Variants in UST observed in about 807,000 individuals in gnomAD.
UST encodes the protein uronyl 2-sulfotransferase.
In UST, 21 loss-of-function variants were observed where a neutral mutation model predicts 45.6. That is an observed-to-expected ratio of 0.46 (90% CI 0.33 to 0.66). The LOEUF (loss-of-function observed/expected upper bound fraction) is 0.66. Among genes scored for constraint, UST ranks in the 30% least tolerant of loss-of-function variants. The pLI, the probability that UST is intolerant of heterozygous loss-of-function variation, is 0.02. For synonymous variants in UST, 215 were observed against 200.6 expected (o/e 1.07, Z -0.61); for missense variants, 463 against 512.4 (o/e 0.90, Z 0.93).
intron 5 of UST, among the ~76,000 whole-genome samples, chr6:148,977,171 T>G (rs1464486936): frequency 1.3e-5 from 2 of 151,904 alleles, no homozygotes; most frequent in Non-Finnish European, 2.9e-5. Context: ...TTTAGAGGGA[T>G]CTGTTTTTTC....
At position 148,895,886 on chromosome 6, in the gene UST, A is replaced by C. The variant is rs74400144; in HGVS notation, c.291+8857A>C. ...AAATGGACTAATACACAAAACTACCACAAGTTCCTAAGAAAGATTACATTT... is the reference window on the plus strand; with the variant it reads ...AAATGGACTAATACACAAAACTACCCCAAGTTCCTAAGAAAGATTACATTT... On this transcript the variant is annotated intron_variant, in intron 2 of 7. Transcript: ENST00000367463. Among the ~76,000 whole-genome samples, 1,003 of 152,312 alleles carry C rather than the reference A, an allele frequency of 6.6e-3. 10 individuals are homozygous for C. Among genetic ancestry groups the C allele is most frequent in the African/African-American group, 0.022 (910 of 41,562 alleles).
chr6:148,868,343 G>T (rs749082797), intron 1 of UST, among the ~76,000 whole-genome samples: 1 of 152,184 alleles, frequency 6.6e-6, no homozygotes, highest in Non-Finnish European at 1.5e-5. Context: ...CAGAAAACTT[G>T]ACGTTTGTTT....
At chr6:148,866,044 T>C (rs780488269) in intron 1 of UST, among the ~76,000 whole-genome samples, 17 of 152,002 alleles carry the variant, frequency 1.1e-4, no homozygotes, top group Non-Finnish European at 2.4e-4. Flanking sequence ...TATATATATA[T>C]ACAAATACAT....
intron 5 of UST, among the ~76,000 whole-genome samples, chr6:148,965,157 G>C (rs1780761109): frequency 6.6e-6 from 1 of 152,204 alleles, no homozygotes; most frequent in Non-Finnish European, 1.5e-5. Context: ...CTCTGGACTT[G>C]TTTTGGGACC....
rs192407151 is a variant in UST, at chr6:148,847,164, A to G, written c.248-39822A>G. Among the ~76,000 whole-genome samples the G allele has an allele frequency of 7.2e-5, 11 of 152,406 alleles. No homozygotes were observed. In the East Asian group the frequency reaches 2.1e-3, roughly 29 times the overall value. On this transcript the variant is annotated intron_variant, in intron 1 of 7. Coordinates refer to ENST00000367463, the MANE Select transcript of UST (RefSeq NM_005715.3). ...AATATGAGAAGGCACTTAGCAGCTT[A>G]AAGCAACACCTTATTCATTGCAACA...
intron 7 of UST, among the ~76,000 whole-genome samples, chr6:149,045,904 A>T (rs1437640463): frequency 2.6e-5 from 4 of 152,208 alleles, no homozygotes; most frequent in Non-Finnish European, 5.9e-5. Flanking sequence ...TACCTTAAAA[A>T]AAGCCATCTC....
At chr6:149,013,620 A>C (rs1224802027) in intron 5 of UST, among the ~76,000 whole-genome samples, 1 of 152,190 alleles carries the variant, frequency 6.6e-6, no homozygotes, top group Non-Finnish European at 1.5e-5. Flanking sequence ...TGAGGCTCAG[A>C]GATGGCACGA....
At chr6:148,754,159 TA>T (rs1776046383) in intron 1 of UST, among the ~76,000 whole-genome samples, 1 of 152,042 alleles carries the variant, frequency 6.6e-6, no homozygotes, top group African/African-American at 2.4e-5. Flanking sequence ...CATGCCTGGC[TA>T]ATTTTTTTGT....
intron 7 of UST, among the ~76,000 whole-genome samples, chr6:149,061,768 G>A (rs1342167318): frequency 6.6e-6 from 1 of 152,226 alleles, no homozygotes; most frequent in African/African-American, 2.4e-5. Context: ...CTTCCACCAG[G>A]AAGTGTTCAA....
At chr6:149,069,464 G>C (rs1339374782) in intron 7 of UST, among the ~76,000 whole-genome samples, 3 of 152,110 alleles carry the variant, frequency 2.0e-5, no homozygotes, top group Non-Finnish European at 4.4e-5. Flanking sequence ...GCTCATTGTG[G>C]TTTTGATTTG....
At chr6:148,837,689 T>C (rs1057247973) in intron 1 of UST, among the ~76,000 whole-genome samples, 3 of 143,168 alleles carry the variant, frequency 2.1e-5, no homozygotes, top group Non-Finnish European at 4.6e-5. Context: ...AGGTCCCTCT[T>C]TTTTTTTTTT....
chr6:148,759,665 G>A (rs1242836317), intron 1 of UST, among the ~76,000 whole-genome samples: 2 of 151,328 alleles, frequency 1.3e-5, no homozygotes, highest in Admixed American at 6.6e-5. Flanking sequence ...TGGCTAACAC[G>A]GTGAAACCCC....
Position 148,813,136 on chromosome 6 carries a change from C to A in UST, c.247+65459C>A, listed in dbSNP as rs1344179979. The stretch of plus-strand genomic sequence containing the variant: ...TATTTTATATTTTTATGTAATTATT[C>A]TTATGGTTTTAATGTGCACATAAAA... On this transcript the variant is annotated intron_variant, in intron 1 of 7. Transcript: ENST00000367463. Among the ~76,000 whole-genome samples the A allele has an allele frequency of 5.9e-5, 9 of 151,888 alleles. No homozygotes were observed. In the East Asian group the frequency reaches 1.7e-3, roughly 29 times the overall value.
intron 7 of UST, among the ~76,000 whole-genome samples, chr6:149,068,862 T>C (rs1027520279): frequency 6.6e-6 from 1 of 152,214 alleles, no homozygotes; most frequent in Non-Finnish European, 1.5e-5. Context: ...TGTACATTTG[T>C]ACCCATTAAC....
intron 1 of UST, among the ~76,000 whole-genome samples, chr6:148,844,841 G>A (rs115412196): frequency 0.012 from 1,776 of 152,210 alleles, 28 homozygotes; most frequent in African/African-American, 0.041. Context: ...ATATCCATAT[G>A]TGCTTAATGG....
chr6:148,778,370 T>C (rs745485763), intron 1 of UST, among the ~76,000 whole-genome samples: 1 of 152,194 alleles, frequency 6.6e-6, no homozygotes, highest in Non-Finnish European at 1.5e-5. Flanking sequence ...TTTCTTGGTC[T>C]TATTTTCTTT....
intron 1 of UST, among the ~76,000 whole-genome samples, chr6:148,813,307 C>A (rs1358255897): frequency 6.6e-6 from 1 of 152,082 alleles, no homozygotes. Context: ...AAATTTTGTG[C>A]CTGGTTTCTA....
intron 1 of UST, among the ~76,000 whole-genome samples, chr6:148,770,457 G>A (rs1472964429): frequency 6.6e-6 from 1 of 151,016 alleles, no homozygotes; most frequent in Non-Finnish European, 1.5e-5. Flanking sequence ...GAAGGGAAGA[G>A]GGTTGCTGCA....
rs556870899 is a variant in UST at position 148,748,272 on chromosome 6, C to A, written c.247+595C>A. 2.0e-5 allele frequency among the ~76,000 whole-genome samples: 3 copies of A among 152,132 alleles called. No individual in the cohort carries two copies. Among genetic ancestry groups the A allele is most frequent in the Non-Finnish European group, 4.4e-5 (3 of 68,022 alleles). ...ACCCCGCCGCCCGCAGCTAGCCTGG[C>A]GCGGGGAACGGGTTGCATCCAGGGG... On this transcript the variant is annotated intron_variant, in intron 1 of 7. Transcript: ENST00000367463. This position sits in a 1 kb window ranked among gnomAD's most constrained non-coding sequence, Gnocchi z 5.3.
Sources: gnomAD v4.1 joint callset for allele counts (sites outside exome capture counted in the v4.1 genomes callset) on GRCh38, gnomAD v4.1.1 for gene constraint, Gnocchi (gnomAD v3.1) non-coding constraint, MANE v1.5 for transcripts, NCBI Gene and HGNC (gene_info 2026-07-23, HGNC 2026-07-21) for gene names.